The following ECT2L variants were observed in gnomAD, a reference collection of about 807,000 sequenced individuals.
ECT2L encodes the protein epithelial cell transforming 2 like.
Under a neutral mutation model 122.8 loss-of-function variants are expected in ECT2L, and 126 were observed. The ratio of observed to expected loss-of-function variants is 1.03; its 90% CI spans 0.89 to 1.19. The LOEUF is 1.19. Among genes scored for constraint, ECT2L ranks in the 50% most tolerant of loss-of-function variants. The pLI is 0.00. For synonymous variants in ECT2L, 385 were observed against 381.8 expected (o/e 1.01, Z -0.10); for missense variants, 1,012 against 1,064.1 (o/e 0.95, Z 0.68).
At chr6:138,838,048 G>A (rs906125007) in intron 4 of ECT2L, among the ~76,000 whole-genome samples, 1 of 151,862 alleles carries the variant, frequency 6.6e-6, no homozygotes, top group Admixed American at 6.6e-5. Context: ...TTACAGGCAC[G>A]CACCACCATA....
At position 138,876,487 on chromosome 6, in the gene ECT2L, G is replaced by A; in HGVS notation, c.1594G>A (p.Glu532Lys). The A allele has an allele frequency of 1.2e-6, 2 of 1,611,374 alleles. No homozygotes were observed. Among genetic ancestry groups the A allele is most frequent in the South Asian group, 1.1e-5 (1 of 90,630 alleles). Reference protein sequence around the residue: ...SKEDSERNVVEDNSWDTKSRL... With the variant: ...SKEDSERNVVKDNSWDTKSRL... Reference sequence around the variant, plus strand: ...CAATCTTCAGGAAAGAAATGTTGTAGAAGACAATTCTTGGGACACAAAGTC... The same window carrying A: ...CAATCTTCAGGAAAGAAATGTTGTAAAAGACAATTCTTGGGACACAAAGTC... Residue 532 changes from glutamate to lysine, a missense_variant, in exon 14 of 22, where the codon GAA becomes AAA. By Grantham distance (56) the Glu-to-Lys change is moderately conservative. Transcript: ENST00000541398.
chr6:138,857,496 G>A (rs1215609781), intron 10 of ECT2L, among the ~76,000 whole-genome samples: 1 of 152,116 alleles, frequency 6.6e-6, no homozygotes, highest in East Asian at 1.9e-4. Flanking sequence ...GTCTCTGTCT[G>A]TACTGGCACT....
intron 10 of ECT2L, among the ~76,000 whole-genome samples, chr6:138,856,369 C>A (rs1777610398): frequency 6.6e-6 from 1 of 152,208 alleles, no homozygotes; most frequent in South Asian, 2.1e-4. Flanking sequence ...CATGTGCCAC[C>A]ACACCCGGCT....
At chr6:138,805,800 C>A (rs562535583) in intron 1 of ECT2L, among the ~76,000 whole-genome samples, 2 of 152,138 alleles carry the variant, frequency 1.3e-5, no homozygotes, top group Admixed American at 6.5e-5. Context: ...AAGGTCCATG[C>A]CCAGAAGTCA....
At position 138,882,716 on chromosome 6, in the gene ECT2L, T is replaced by C; in HGVS notation, c.1881-8T>C. 2 of 1,613,560 alleles carry C rather than the reference T, an allele frequency of 1.2e-6. No individual in the cohort carries two copies. Among genetic ancestry groups the C allele is most frequent in the South Asian group, 2.2e-5 (2 of 90,886 alleles). ...ATATTTCATGCTTATGCTCTTCTCA[T>C]ACCACAGGCAGTTTCTAGATAACCT... is the stretch of plus-strand genomic sequence containing the variant. On this transcript the variant is annotated splice_polypyrimidine_tract_variant and splice_region_variant and intron_variant, in intron 15 of 21. Coordinates refer to ENST00000541398, the MANE Select transcript of ECT2L (RefSeq NM_001077706.3).
chr6:138,820,400 G>C (rs1238872338), intron 4 of ECT2L, among the ~76,000 whole-genome samples: 1 of 152,192 alleles, frequency 6.6e-6, no homozygotes, highest in East Asian at 1.9e-4. Context: ...TTAGTCATTT[G>C]AGAACTATTT....
At chr6:138,864,615 T>C (rs748762034) in intron 11 of ECT2L, among the ~76,000 whole-genome samples, 16 of 152,188 alleles carry the variant, frequency 1.1e-4, no homozygotes, top group Non-Finnish European at 2.1e-4. Flanking sequence ...AATGGCCTGA[T>C]GGGGAAGCCG....
chr6:138,819,246 A>G (rs73778410), intron 4 of ECT2L, among the ~76,000 whole-genome samples: 6,636 of 125,080 alleles, frequency 0.053, 406 homozygotes, highest in African/African-American at 0.17. Context: ...AAAAAAAAAA[A>G]AAAAAGGAAA....
intron 15 of ECT2L, among the ~76,000 whole-genome samples, chr6:138,882,406 G>A (rs1284944806): frequency 6.6e-6 from 1 of 152,182 alleles, no homozygotes; most frequent in East Asian, 1.9e-4. Context: ...CAAACTGTAA[G>A]AACTTTCACC....
chr6:138,858,193 T>C (rs1777688923), intron 10 of ECT2L, among the ~76,000 whole-genome samples: 1 of 152,170 alleles, frequency 6.6e-6, no homozygotes, highest in South Asian at 2.1e-4. Flanking sequence ...ACCCCAAATT[T>C]ATGTCTCCAG....
intron 1 of ECT2L, among the ~76,000 whole-genome samples, chr6:138,811,422 G>C (rs1337553705): frequency 1.3e-5 from 2 of 152,176 alleles, no homozygotes; most frequent in African/African-American, 4.8e-5. Flanking sequence ...GTTATGAACT[G>C]AGATGTATCC....
rs747245508 is a variant in ECT2L at position 138,822,907 on chromosome 6, T to A, written c.179+8304T>A. On this transcript the variant is annotated intron_variant, in intron 4 of 21. Coordinates refer to ENST00000541398, the MANE Select transcript of ECT2L (RefSeq NM_001077706.3). Reference sequence around the variant, plus strand: ...GTATTCCTCACAATAGCTTTCGTCATTGGACTTGCAGGCAATTCCATGGTA... The same window carrying A: ...GTATTCCTCACAATAGCTTTCGTCAATGGACTTGCAGGCAATTCCATGGTA... The A allele has an allele frequency of 3.1e-6, 5 of 1,613,800 alleles. No homozygotes were observed. In the African/African-American group the frequency reaches 6.7e-5, roughly 22 times the overall value.
chr6:138,876,686 C>A, intron 14 of ECT2L, 128 bp downstream of exon 14: 1 of 587,686 alleles, frequency 1.7e-6, no homozygotes, highest in Non-Finnish European at 2.9e-6. Context: ...AAAAAAACCT[C>A]AAAAATTATT....
chr6:138,844,445 G>A lies in ECT2L; in HGVS notation c.629G>A (p.Ser210Asn). Reference sequence around the variant, plus strand: ...TTCAAAGTTCGACCCCCTTGGGTGAGTGGAACTTGCTGCTCTAGCGTGCTA... The same window carrying A: ...TTCAAAGTTCGACCCCCTTGGGTGAATGGAACTTGCTGCTCTAGCGTGCTA... ...ELFKVRPPWV[S>N]GTCCSSVLKP... The change falls in exon 7 of 22, where the codon AGT becomes AAT. Residue 210 changes from serine to asparagine, a missense_variant. Coordinates refer to ENST00000541398, the MANE Select transcript of ECT2L (RefSeq NM_001077706.3). 2 of 1,614,132 alleles carry A rather than the reference G, an allele frequency of 1.2e-6. No individual in the cohort carries two copies. Among genetic ancestry groups the A allele is most frequent in the South Asian group, 1.1e-5 (1 of 91,078 alleles).
At chr6:138,860,800 G>A (rs953163494) in intron 10 of ECT2L, among the ~76,000 whole-genome samples, 1 of 149,092 alleles carries the variant, frequency 6.7e-6, no homozygotes, top group African/African-American at 2.5e-5. Context: ...ATGGTGGTTT[G>A]CTGCACTTAT....
Position 138,799,446 on chromosome 6 carries a change from G to A in ECT2L, c.-244+3254G>A, listed in dbSNP as rs1361016306. Reference sequence around the variant, plus strand: ...TTTTTTTTGCATTTTTAGTAGAGACGGGGTTTCACTGTGTTAGCCAGGATG... The same window carrying A: ...TTTTTTTTGCATTTTTAGTAGAGACAGGGTTTCACTGTGTTAGCCAGGATG... On this transcript the variant is annotated intron_variant, in intron 1 of 21. Transcript: ENST00000541398. Among the ~76,000 whole-genome samples, 6 of 151,984 alleles carry A rather than the reference G, an allele frequency of 3.9e-5. No homozygotes were observed. In the East Asian group the frequency reaches 9.6e-4, roughly 24 times the overall value.
rs1288691542 is a variant in ECT2L, at chr6:138,885,907, G to A, written c.2259+77G>A. 4 of 1,421,912 alleles carry A rather than the reference G, an allele frequency of 2.8e-6. No individual in the cohort carries two copies. The Admixed American group carries it at 8.3e-5, about 29-fold the overall frequency. 88.1% of individuals were successfully genotyped at this position (1,421,912 alleles called of 1,614,324 possible). ...TGGTACTCCCACTCAAAGATCCTGA[G>A]ACACCTTATCTTCTTGTGGGGTTCT... On this transcript the variant is annotated intron_variant, in intron 18 of 21. Coordinates refer to ENST00000541398, the MANE Select transcript of ECT2L (RefSeq NM_001077706.3).
At chr6:138,891,090 T>A (rs1779007642) in intron 20 of ECT2L, among the ~76,000 whole-genome samples, 1 of 152,082 alleles carries the variant, frequency 6.6e-6, no homozygotes, top group Admixed American at 6.5e-5. Flanking sequence ...TGCCTCATTA[T>A]ACTCTCCTCC....
At chr6:138,845,008 A>C (rs6939082) in intron 7 of ECT2L, among the ~76,000 whole-genome samples, 4,427 of 152,122 alleles carry the variant, frequency 0.029, 201 homozygotes, top group African/African-American at 0.1. Flanking sequence ...CAAAAATAAC[A>C]TTTTTCCACA....
Sources: gnomAD v4.1 joint callset for allele counts (sites outside exome capture counted in the v4.1 genomes callset) on GRCh38, gnomAD v4.1.1 for gene constraint, MANE v1.5 for transcripts, NCBI Gene and HGNC (gene_info 2026-07-23, HGNC 2026-07-21) for gene names.